Variants in CFAP299 observed in about 807,000 individuals in gnomAD.
The protein encoded by CFAP299 is cilia- and flagella-associated protein 299.
In CFAP299, 21 loss-of-function variants were observed where a neutral mutation model predicts 27.0. That is an observed-to-expected ratio of 0.78 (90% CI 0.55 to 1.12). The LOEUF is 1.12. CFAP299 is among the 50% of genes most tolerant of loss of function. The pLI, the probability that CFAP299 is intolerant of heterozygous loss-of-function variation, is 0.00. For missense variants in CFAP299, 310 were observed against 276.6 expected, an observed-to-expected ratio of 1.12 and a Z score of -0.86; for synonymous variants, 104 against 98.1, an observed-to-expected ratio of 1.06 and a Z score of -0.36.
At chr4:80,860,225 C>T (rs945949423) in intron 3 of CFAP299, among the ~76,000 whole-genome samples, 1 of 152,208 alleles carries the variant, frequency 6.6e-6, no homozygotes, top group Non-Finnish European at 1.5e-5. Context: ...CTTCTGCATT[C>T]TTCCCGTAGT....
At chr4:80,928,350 T>C (rs1006522303) in intron 4 of CFAP299, among the ~76,000 whole-genome samples, 2 of 152,124 alleles carry the variant, frequency 1.3e-5, no homozygotes, top group African/African-American at 4.8e-5. Context: ...AGCCCAACTA[T>C]GGTTTTCTCT....
chr4:80,768,543 A>G (rs1038745799), intron 3 of CFAP299, among the ~76,000 whole-genome samples: 1 of 152,250 alleles, frequency 6.6e-6, no homozygotes, highest in African/African-American at 2.4e-5. Context: ...AAATAGATTC[A>G]TATTTAAAAC....
chr4:80,355,437 A>C (rs1373167532), intron 1 of CFAP299, among the ~76,000 whole-genome samples: 1 of 139,936 alleles, frequency 7.1e-6, no homozygotes, highest in Non-Finnish European at 1.5e-5. Flanking sequence ...GGCTCACTGC[A>C]ACCTCCGCCT....
chr4:80,864,660 C>G (rs1265021780), intron 3 of CFAP299, among the ~76,000 whole-genome samples: 1 of 151,260 alleles, frequency 6.6e-6, no homozygotes, highest in Non-Finnish European at 1.5e-5. Context: ...TATGGCAACC[C>G]TAACATAACT....
chr4:80,857,696 G>A (rs917524991), intron 3 of CFAP299, among the ~76,000 whole-genome samples: 2 of 152,262 alleles, frequency 1.3e-5, no homozygotes, highest in Non-Finnish European at 1.5e-5. Context: ...CTGTTTATAT[G>A]CTGGATTACA....
At chr4:80,834,895 G>T (rs966659007) in intron 3 of CFAP299, among the ~76,000 whole-genome samples, 2 of 152,098 alleles carry the variant, frequency 1.3e-5, no homozygotes, top group African/African-American at 4.8e-5. Flanking sequence ...TATCTCTGTT[G>T]TTCTCTTGTT....
intron 4 of CFAP299, among the ~76,000 whole-genome samples, chr4:80,894,668 A>T (rs547845801): frequency 1.3e-5 from 2 of 152,090 alleles, no homozygotes; most frequent in Admixed American, 1.3e-4. Context: ...CTACTATGTG[A>T]TCCAACAATT....
At chr4:80,836,471 T>C (rs1162729556) in intron 3 of CFAP299, among the ~76,000 whole-genome samples, 1 of 152,150 alleles carries the variant, frequency 6.6e-6, no homozygotes, top group Non-Finnish European at 1.5e-5. Flanking sequence ...GTTGCCCACA[T>C]TCTTTGGTTC....
chr4:80,621,570 G>C (rs1738608656), intron 3 of CFAP299, among the ~76,000 whole-genome samples: 1 of 152,046 alleles, frequency 6.6e-6, no homozygotes, highest in African/African-American at 2.4e-5. Context: ...TTTGAAGCTG[G>C]ATTATCACAA....
At chr4:80,872,936 T>C (rs1733180433) in intron 4 of CFAP299, 2 of 964,954 alleles carry the variant, frequency 2.1e-6, no homozygotes, top group Non-Finnish European at 2.5e-6. Context: ...TTTTTTTTCA[T>C]TGATTTTGAT....
intron 3 of CFAP299, among the ~76,000 whole-genome samples, chr4:80,844,678 C>A (rs1411975108): frequency 6.6e-6 from 1 of 152,098 alleles, no homozygotes; most frequent in South Asian, 2.1e-4. Flanking sequence ...GAGTAGATTG[C>A]AAAAATTTTC....
At chr4:80,493,747 C>G (rs1358977167) in intron 2 of CFAP299, among the ~76,000 whole-genome samples, 8 of 139,892 alleles carry the variant, frequency 5.7e-5, no homozygotes, top group Admixed American at 5.0e-4. Context: ...TGTCTCTTTT[C>G]TATCTCATAT....
chr4:80,540,058 A>G (rs959220047), intron 2 of CFAP299, among the ~76,000 whole-genome samples: 2 of 152,182 alleles, frequency 1.3e-5, no homozygotes, highest in South Asian at 4.1e-4. Flanking sequence ...TGCACAGGCA[A>G]TTGTGTTTTT....
chr4:80,682,327 T>C (rs2110006262), intron 3 of CFAP299, among the ~76,000 whole-genome samples: 1 of 152,286 alleles, frequency 6.6e-6, no homozygotes, highest in South Asian at 2.1e-4. Context: ...TGTGATCTGT[T>C]TTGTTTACTT....
At chr4:80,855,443 A>T (rs1185978149) in intron 3 of CFAP299, among the ~76,000 whole-genome samples, 3 of 151,948 alleles carry the variant, frequency 2.0e-5, no homozygotes, top group Non-Finnish European at 4.4e-5. Context: ...TTTATGGTAC[A>T]TGTGCACAAT....
At chr4:80,491,385 A>T (rs1045706026) in intron 2 of CFAP299, among the ~76,000 whole-genome samples, 1 of 152,182 alleles carries the variant, frequency 6.6e-6, no homozygotes, top group African/African-American at 2.4e-5. Flanking sequence ...GGCTTTTAAA[A>T]AAATTATTTT....
intron 5 of CFAP299, among the ~76,000 whole-genome samples, chr4:80,958,456 A>T (rs1457556151): frequency 6.6e-6 from 1 of 152,172 alleles, no homozygotes; most frequent in African/African-American, 2.4e-5. Flanking sequence ...AGACTCAATA[A>T]GAATTTCTGA....
chr4:80,518,797 A>G (rs1732724246), intron 2 of CFAP299, among the ~76,000 whole-genome samples: 1 of 152,164 alleles, frequency 6.6e-6, no homozygotes, highest in Admixed American at 6.5e-5. Context: ...GTTGCTTAGA[A>G]TTAGCAATTA....
chr4:80,726,093 T>C (rs1378357757), intron 3 of CFAP299, among the ~76,000 whole-genome samples: 1 of 152,200 alleles, frequency 6.6e-6, no homozygotes, highest in Non-Finnish European at 1.5e-5. Context: ...TACAGTTTTG[T>C]GGATTTCTTT....
Sources: gnomAD v4.1 joint callset for allele counts (sites outside exome capture counted in the v4.1 genomes callset) on GRCh38, gnomAD v4.1.1 for gene constraint, MANE v1.5 for transcripts, NCBI Gene and HGNC (gene_info 2026-07-23, HGNC 2026-07-21) for gene names.